Variants in AMMECR1 observed in about 807,000 individuals in gnomAD.
AMMECR1 encodes AMMECR nuclear protein 1, also known as nuclear protein AMMECR1.
Under a neutral mutation model 22.5 loss-of-function variants are expected in AMMECR1, and 3 were observed. The observed-to-expected ratio is 0.13, with a 90% CI of 0.06 to 0.35. The LOEUF (loss-of-function observed/expected upper bound fraction) is 0.35. AMMECR1 is among the 10% of genes least tolerant of loss of function. The probability of loss-of-function intolerance (pLI) is 1.00; values close to 1 mark genes in which losing one functional copy is unlikely to be tolerated. For synonymous variants in AMMECR1, 130 were observed against 116.7 expected, an observed-to-expected ratio of 1.11 and a Z score of -0.74; for missense variants, 235 against 278.7, an observed-to-expected ratio of 0.84 and a Z score of 1.12.
chrX:110,399,042 C>G (rs1018068539), intron 2 of AMMECR1, among the ~76,000 whole-genome samples: 8 of 112,166 alleles, frequency 7.1e-5, no homozygotes, highest in Admixed American at 1.9e-4. Context: ...CAGTGAATGT[C>G]TCTGCCTCAT....
chrX:110,368,095 C>T (rs948483825), intron 2 of AMMECR1, among the ~76,000 whole-genome samples: 2 of 108,087 alleles, frequency 1.9e-5, no homozygotes, highest in African/African-American at 3.4e-5. Flanking sequence ...CCCACCATGG[C>T]CTCTCAAATT....
At chrX:110,384,527 T>G (rs142595890) in intron 2 of AMMECR1, among the ~76,000 whole-genome samples, 8,245 of 111,606 alleles carry the variant, frequency 0.074, 455 homozygotes, top group African/African-American at 0.18. Flanking sequence ...TCCCTTTGCA[T>G]TTAACTTAAT....
chrX:110,421,037 G>A (rs901502920), intron 2 of AMMECR1, among the ~76,000 whole-genome samples: 1 of 111,881 alleles, frequency 8.9e-6, no homozygotes, highest in African/African-American at 3.3e-5. Context: ...TGATATTTGC[G>A]TGAAAAGGCA....
rs1202941286 is a variant in AMMECR1 at position 110,205,047 on chromosome X, C to T, written c.700-2511G>A. Among the ~76,000 whole-genome samples, 4 of 111,818 alleles carry T rather than the reference C, an allele frequency of 3.6e-5. No individual in the cohort carries two copies. The East Asian group carries it at 1.1e-3, about 31-fold the overall frequency. Reference sequence around the variant, plus strand: ...GAACTTTTTTCATAGGTCAAAAATACTCCCACAAAGCTACAAAGCCCAAAC... The same window carrying T: ...GAACTTTTTTCATAGGTCAAAAATATTCCCACAAAGCTACAAAGCCCAAAC... On this transcript the variant is annotated intron_variant, in intron 3 of 5. Coordinates refer to ENST00000262844, the MANE Select transcript of AMMECR1 (RefSeq NM_015365.3).
chrX:110,398,184 C>T (rs2068541091), intron 2 of AMMECR1, among the ~76,000 whole-genome samples: 1 of 112,241 alleles, frequency 8.9e-6, no homozygotes, highest in Non-Finnish European at 1.9e-5. Flanking sequence ...TGCAGGGTTT[C>T]AGCTTGGCAG....
At chrX:110,438,052 A>G (rs1331871101) in intron 1 of AMMECR1, among the ~76,000 whole-genome samples, 5 of 111,417 alleles carry the variant, frequency 4.5e-5, no homozygotes, top group African/African-American at 1.6e-4. Flanking sequence ...CAAGAATAGA[A>G]TCTTCCCTTT....
intron 1 of AMMECR1, among the ~76,000 whole-genome samples, chrX:110,431,323 C>CTGTGTGTGTGTGTG (rs759432836): frequency 2.6e-4 from 25 of 94,947 alleles, no homozygotes; most frequent in Admixed American, 4.6e-4. Flanking sequence ...GAGGGGAAGG[C>CTGTGTGTGTGTGTG]TGTGTGTGTG....
chrX:110,272,658 C>T (rs1321078688), intron 1 of AMMECR1, among the ~76,000 whole-genome samples: 7 of 111,537 alleles, frequency 6.3e-5, no homozygotes, highest in Non-Finnish European at 1.3e-4. Flanking sequence ...ACTCTCACTC[C>T]CCTCTCACCC....
intron 2 of AMMECR1, among the ~76,000 whole-genome samples, chrX:110,342,978 T>C (rs1262212666): frequency 9.0e-6 from 1 of 111,271 alleles, no homozygotes; most frequent in Non-Finnish European, 1.9e-5. Context: ...GGGAATCCTC[T>C]CTAACTCGTT....
chrX:110,382,338 C>A (rs777828220), intron 2 of AMMECR1, among the ~76,000 whole-genome samples: 1 of 109,850 alleles, frequency 9.1e-6, no homozygotes, highest in South Asian at 3.9e-4. Flanking sequence ...AAAAAAAAAC[C>A]CAGCAACCCA....
chrX:110,375,982 TA>T (rs1476139788), intron 2 of AMMECR1, among the ~76,000 whole-genome samples: 1 of 111,198 alleles, frequency 9.0e-6, no homozygotes, highest in African/African-American at 3.3e-5. Flanking sequence ...TGTCTGTCCT[TA>T]AAAAAATAGA....
At chrX:110,250,770 A>C (rs898605517) in intron 2 of AMMECR1, among the ~76,000 whole-genome samples, 6 of 111,874 alleles carry the variant, frequency 5.4e-5, no homozygotes, top group African/African-American at 1.6e-4. Context: ...GATGCCCATT[A>C]CTCAGGAGAT....
chrX:110,404,457 C>G (rs1471147202), intron 2 of AMMECR1, among the ~76,000 whole-genome samples: 2 of 111,742 alleles, frequency 1.8e-5, no homozygotes, highest in East Asian at 5.6e-4. Context: ...ACTCGCAGGA[C>G]AAACTCCAGG....
intron 1 of AMMECR1, among the ~76,000 whole-genome samples, chrX:110,293,448 T>C (rs2067919150): frequency 9.0e-6 from 1 of 111,717 alleles, no homozygotes; most frequent in Non-Finnish European, 1.9e-5. Context: ...TCTAGCATTC[T>C]GAGTTCTCCT....
At chrX:110,263,309 T>C (rs2067751761) in intron 2 of AMMECR1, among the ~76,000 whole-genome samples, 1 of 111,658 alleles carries the variant, frequency 9.0e-6, no homozygotes, top group Admixed American at 9.5e-5. Context: ...ACAGCCTGTA[T>C]GTTATTTAAT....
intron 2 of AMMECR1, among the ~76,000 whole-genome samples, chrX:110,372,443 T>A (rs1339265560): frequency 8.9e-6 from 1 of 112,000 alleles, no homozygotes; most frequent in African/African-American, 3.2e-5. Flanking sequence ...TTTATGCACA[T>A]AAAGGCTTAA....
chrX:110,245,450 C>T (rs1295540355), intron 2 of AMMECR1, among the ~76,000 whole-genome samples: 1 of 111,218 alleles, frequency 9.0e-6, no homozygotes, highest in Non-Finnish European at 1.9e-5. Flanking sequence ...TACATAGACA[C>T]TTATTGTATA....
chrX:110,308,160 A>G (rs1395387749), intron 1 of AMMECR1, among the ~76,000 whole-genome samples: 1 of 111,743 alleles, frequency 8.9e-6, no homozygotes, highest in East Asian at 2.8e-4. Flanking sequence ...TACAGGCGTG[A>G]GCCATGGCAC....
chrX:110,225,539 G>A (rs1211898163), intron 2 of AMMECR1, among the ~76,000 whole-genome samples: 1 of 112,257 alleles, frequency 8.9e-6, no homozygotes, highest in Non-Finnish European at 1.9e-5. Context: ...TATATAGGTT[G>A]GAATATCCCT....
Sources: allele counts gnomAD v4.1 joint callset (sites outside exome capture counted in the v4.1 genomes callset), GRCh38; gene constraint gnomAD v4.1.1; transcripts MANE v1.5; gene names NCBI Gene and HGNC (gene_info 2026-07-23, HGNC 2026-07-21).